THADA: variants seen among roughly 807,000 people sequenced by gnomAD.
THADA encodes tRNA (32-2'-O)-methyltransferase regulator THADA.
In THADA, 213 loss-of-function variants were observed where a neutral mutation model predicts 219.8. The observed-to-expected ratio is 0.97, with a 90% CI of 0.87 to 1.09. THADA has a LOEUF of 1.09. Among genes scored for constraint, THADA ranks in the 50% least tolerant of loss-of-function variants. The probability of loss-of-function intolerance (pLI) is 0.00; values close to 1 mark genes in which losing one functional copy is unlikely to be tolerated. For synonymous variants in THADA, 1,018 were observed against 828.9 expected, an observed-to-expected ratio of 1.23 and a Z score of -3.92; for missense variants, 2,956 against 2,311.3, an observed-to-expected ratio of 1.28 and a Z score of -5.72.
At chr2:43,506,282 C>T (rs928005883) in intron 23 of THADA, among the ~76,000 whole-genome samples, 3 of 152,084 alleles carry the variant, frequency 2.0e-5, no homozygotes, top group Admixed American at 6.5e-5. Context: ...ACTGCAAACA[C>T]CAAAGAGGTC....
At chr2:43,503,106 T>C (rs1329596282) in intron 24 of THADA, among the ~76,000 whole-genome samples, 1 of 152,242 alleles carries the variant, frequency 6.6e-6, no homozygotes, top group Non-Finnish European at 1.5e-5. Context: ...GAAACTCTTA[T>C]ACTCTGCTGG....
intron 29 of THADA, among the ~76,000 whole-genome samples, chr2:43,370,651 A>G (rs1440264814): frequency 6.6e-6 from 1 of 152,246 alleles, no homozygotes; most frequent in Non-Finnish European, 1.5e-5. Context: ...TAGGAAGCTA[A>G]TTTACTCAAG....
At chr2:43,550,481 T>A (rs1247475699) in intron 19 of THADA, among the ~76,000 whole-genome samples, 1 of 152,160 alleles carries the variant, frequency 6.6e-6, no homozygotes, top group Non-Finnish European at 1.5e-5. Context: ...TCCTATCCAT[T>A]CAATTTTACA....
At chr2:43,288,761 A>C (rs1674349542) in intron 34 of THADA, among the ~76,000 whole-genome samples, 1 of 152,210 alleles carries the variant, frequency 6.6e-6, no homozygotes, top group Non-Finnish European at 1.5e-5. Flanking sequence ...CTCAACCTTC[A>C]GCTCCTTGTT....
At chr2:43,436,497 G>A (rs1012245759) in intron 26 of THADA, among the ~76,000 whole-genome samples, 6 of 152,142 alleles carry the variant, frequency 3.9e-5, no homozygotes, top group Non-Finnish European at 7.3e-5. Context: ...TAACCTTACT[G>A]AGAAGCCTAT....
chr2:43,500,109 C>T (rs964626950), intron 24 of THADA, among the ~76,000 whole-genome samples: 1 of 151,928 alleles, frequency 6.6e-6, no homozygotes, highest in Non-Finnish European at 1.5e-5. Flanking sequence ...AAGACTGTAC[C>T]ACTCCACTCA....
At chr2:43,284,292 AG>A (rs1205500409) in intron 35 of THADA, among the ~76,000 whole-genome samples, 1 of 152,230 alleles carries the variant, frequency 6.6e-6, no homozygotes, top group African/African-American at 2.4e-5. Flanking sequence ...AGGCCTAGGA[AG>A]AAAAAATGGT....
Position 43,592,226 on chromosome 2 carries a change from T to C in THADA, c.76+91A>G, listed in dbSNP as rs560802200. ...AAACATAAGGAAAAATATAAAGAAT[T>C]TGAATATTATATGCTAGGGGTCCCA... On this transcript the variant is annotated intron_variant, in intron 2 of 37. Coordinates refer to ENST00000405975, the MANE Select transcript of THADA (RefSeq NM_022065.5). 1.4e-5 allele frequency: 15 copies of C among 1,072,412 alleles called. No individual in the cohort carries two copies. The East Asian group carries it at 3.1e-4, about 22-fold the overall frequency. The allele number at this position is 1,072,412 out of a possible 1,614,324, so 66.4% of individuals were successfully genotyped here. A position where few individuals can be genotyped will look rare whatever the true frequency, so the allele number is the denominator to read the frequency against.
At chr2:43,487,274 CACACAAAA>C (rs1687030674) in intron 25 of THADA, among the ~76,000 whole-genome samples, 2 of 152,102 alleles carry the variant, frequency 1.3e-5, no homozygotes, top group Admixed American at 1.3e-4. Flanking sequence ...TCTCAGAAAT[CACACAAAA>C]ACACAAAAAG....
At chr2:43,543,592 T>C (rs895795372) in intron 20 of THADA, among the ~76,000 whole-genome samples, 292 of 152,180 alleles carry the variant, frequency 1.9e-3, no homozygotes, top group African/African-American at 6.7e-3. Flanking sequence ...TGGTATCTCA[T>C]TGTGGTTTTG....
chr2:43,453,104 A>T (rs1034198923), intron 26 of THADA, among the ~76,000 whole-genome samples: 6 of 152,224 alleles, frequency 3.9e-5, no homozygotes, highest in Admixed American at 1.3e-4. Flanking sequence ...AAACCCAAGT[A>T]GTCACCAGGC....
intron 34 of THADA, 141 bp from the exon 35 acceptor site, chr2:43,287,202 C>T (rs965135192): frequency 5.9e-6 from 4 of 676,714 alleles, no homozygotes; most frequent in Middle Eastern, 8.3e-4. Context: ...AGTTGCTTTT[C>T]GATTCCAACT....
intron 29 of THADA, among the ~76,000 whole-genome samples, chr2:43,360,390 C>A (rs1481743263): frequency 1.3e-5 from 2 of 152,182 alleles, no homozygotes; most frequent in Non-Finnish European, 2.9e-5. Flanking sequence ...TGAAAGTAAA[C>A]AGCAAGACTG....
intron 27 of THADA, among the ~76,000 whole-genome samples, chr2:43,428,594 G>T (rs546369123): frequency 3.9e-5 from 6 of 152,124 alleles, no homozygotes; most frequent in Non-Finnish European, 8.8e-5. Flanking sequence ...GACACAGTGA[G>T]ACTCCATTTC....
At position 43,457,587 on chromosome 2, in the gene THADA, T is replaced by C. The variant is rs577566574; in HGVS notation, c.3837-27285A>G. Among the ~76,000 whole-genome samples the C allele has an allele frequency of 2.0e-4, 30 of 152,348 alleles. No homozygotes were observed. In the East Asian group the frequency reaches 5.6e-3, roughly 28 times the overall value. ...AAGGAACAGTTACTGATAGTTTTCA[T>C]ATGTAAATTCTGGCATTCCATCTTA... On this transcript the variant is annotated intron_variant, in intron 26 of 37. Coordinates refer to ENST00000405975, the MANE Select transcript of THADA (RefSeq NM_022065.5).
chr2:43,325,505 G>C (rs915171947), intron 30 of THADA, among the ~76,000 whole-genome samples: 1 of 151,794 alleles, frequency 6.6e-6, no homozygotes, highest in African/African-American at 2.4e-5. Context: ...TCAACTAGTG[G>C]GTAGTGACCA....
chr2:43,484,067 G>A (rs777209317), intron 26 of THADA, among the ~76,000 whole-genome samples: 49 of 151,840 alleles, frequency 3.2e-4, no homozygotes, highest in South Asian at 6.2e-4. Flanking sequence ...CAAGAGTAAT[G>A]TTTTATTTAT....
At chr2:43,311,118 G>T (rs1573015682) in intron 31 of THADA, among the ~76,000 whole-genome samples, 4 of 152,084 alleles carry the variant, frequency 2.6e-5, no homozygotes, top group Admixed American at 2.0e-4. Context: ...GGAGGTTGCA[G>T]TGAACCGAGA....
In THADA at chr2:43,414,777, C is replaced by G. The variant is rs571024839; in HGVS notation, c.4058+13323G>C. On this transcript the variant is annotated intron_variant, in intron 28 of 37. Transcript: ENST00000405975. Reference sequence around the variant, plus strand: ...CTCTGATAACAATCTGGCACTTTATCAGCAGGGTCTTTTATCTGGAAGGAT... The same window carrying G: ...CTCTGATAACAATCTGGCACTTTATGAGCAGGGTCTTTTATCTGGAAGGAT... Among the ~76,000 whole-genome samples, 4 of 152,292 alleles carry G rather than the reference C, an allele frequency of 2.6e-5. No individual in the cohort carries two copies. In the East Asian group the frequency reaches 7.7e-4, roughly 29 times the overall value.
Sources: gnomAD v4.1 joint callset for allele counts (sites outside exome capture counted in the v4.1 genomes callset) on GRCh38, gnomAD v4.1.1 for gene constraint, MANE v1.5 for transcripts, NCBI Gene and HGNC (gene_info 2026-07-23, HGNC 2026-07-21) for gene names.